Variants in PCDH15 observed in about 807,000 individuals in gnomAD.
PCDH15 encodes the protein protocadherin related 15.
PCDH15 carries 129 observed loss-of-function variants against 178.5 expected under a neutral mutation model. The ratio of observed to expected loss-of-function variants is 0.72; its 90% CI spans 0.63 to 0.84. The LOEUF (loss-of-function observed/expected upper bound fraction) is 0.84. Ranked by LOEUF, PCDH15 falls within the 40% of genes least tolerant of loss-of-function variation. The pLI is 0.00. For synonymous variants in PCDH15, 800 were observed against 732.0 expected (o/e 1.09, Z -1.50); for missense variants, 2,230 against 2,099.9 (o/e 1.06, Z -1.21).
chr10:55,388,176 C>A (rs1252815306), intron 2 of PCDH15, among the ~76,000 whole-genome samples: 1 of 152,030 alleles, frequency 6.6e-6, no homozygotes, highest in Non-Finnish European at 1.5e-5. Context: ...CTCTTGGAAA[C>A]ACCGCTTCAC....
intron 21 of PCDH15, among the ~76,000 whole-genome samples, chr10:53,979,278 A>T (rs1410972679): frequency 6.6e-6 from 1 of 152,192 alleles, no homozygotes; most frequent in Non-Finnish European, 1.5e-5. Context: ...GTGACAGCAA[A>T]GAGAAGTGCA....
At chr10:54,432,380 C>T (rs756533574) in intron 3 of PCDH15, among the ~76,000 whole-genome samples, 2 of 151,988 alleles carry the variant, frequency 1.3e-5, no homozygotes, top group African/African-American at 2.4e-5. Flanking sequence ...TACAAACAGA[C>T]ACATGGACTA....
chr10:54,975,577 G>T (rs992611044), intron 2 of PCDH15, among the ~76,000 whole-genome samples: 2 of 152,042 alleles, frequency 1.3e-5, no homozygotes, highest in African/African-American at 4.8e-5. Context: ...GAGAAGTGGT[G>T]GTGGCAGAGA....
intron 2 of PCDH15, among the ~76,000 whole-genome samples, chr10:55,026,249 T>C (rs953322311): frequency 1.3e-5 from 2 of 151,646 alleles, no homozygotes; most frequent in African/African-American, 2.4e-5. Context: ...TTAACATAGA[T>C]AATAATTATT....
rs530308702 is a variant in PCDH15, at chr10:54,460,179, T to A, written c.157+67633A>T. On this transcript the variant is annotated intron_variant, in intron 3 of 37. Coordinates refer to ENST00000644397, the MANE Select transcript of PCDH15 (RefSeq NM_001384140.1). ...AGATATTCATAATTTCATACTGAACTCTTTAGGAATTGTGATTTCTTAACT... is the reference window on the plus strand; with the variant it reads ...AGATATTCATAATTTCATACTGAACACTTTAGGAATTGTGATTTCTTAACT... Among the ~76,000 whole-genome samples the A allele has an allele frequency of 2.6e-5, 4 of 152,234 alleles. No individual in the cohort carries two copies. The East Asian group carries it at 7.7e-4, about 29-fold the overall frequency.
At chr10:54,183,194 C>G (rs1487027756) in intron 13 of PCDH15, among the ~76,000 whole-genome samples, 1 of 152,168 alleles carries the variant, frequency 6.6e-6, no homozygotes, top group African/African-American at 2.4e-5. Context: ...TGGTCTCGAA[C>G]TCCCGACCTC....
chr10:54,896,459 A>C (rs1954546799), intron 3 of PCDH15, among the ~76,000 whole-genome samples: 1 of 151,978 alleles, frequency 6.6e-6, no homozygotes, highest in Non-Finnish European at 1.5e-5. Flanking sequence ...AGGAACTACA[A>C]TGCTTCTTTC....
At chr10:54,016,951 C>G (rs996011000) in intron 20 of PCDH15, among the ~76,000 whole-genome samples, 1 of 152,112 alleles carries the variant, frequency 6.6e-6, no homozygotes, top group Admixed American at 6.5e-5. Context: ...CCGACCATTC[C>G]CTAAACCTTT....
chr10:53,912,440 C>G (rs910484020), intron 25 of PCDH15, among the ~76,000 whole-genome samples: 15 of 152,076 alleles, frequency 9.9e-5, no homozygotes, highest in African/African-American at 3.6e-4. Flanking sequence ...GAAGTTCTGG[C>G]CAGGGCAATC....
chr10:55,080,481 C>T (rs1183090194), intron 2 of PCDH15, among the ~76,000 whole-genome samples: 1 of 152,158 alleles, frequency 6.6e-6, no homozygotes, highest in Non-Finnish European at 1.5e-5. Flanking sequence ...TACCACTGCA[C>T]TGGAGTACAG....
intron 3 of PCDH15, among the ~76,000 whole-genome samples, chr10:54,515,868 C>G (rs1022190031): frequency 6.6e-6 from 1 of 152,322 alleles, no homozygotes; most frequent in East Asian, 1.9e-4. Flanking sequence ...GCCACTGCTG[C>G]TGATACCCAG....
chr10:55,431,939 C>A (rs747583155), intron 2 of PCDH15, among the ~76,000 whole-genome samples: 3 of 152,096 alleles, frequency 2.0e-5, no homozygotes, highest in Non-Finnish European at 4.4e-5. Flanking sequence ...TTGCTCCCAA[C>A]AAACGCTTAT....
chr10:54,573,081 TCTC>T (rs2090030731), intron 2 of PCDH15, among the ~76,000 whole-genome samples: 1 of 152,128 alleles, frequency 6.6e-6, no homozygotes, highest in South Asian at 2.1e-4. Flanking sequence ...GTGCCTTGCT[TCTC>T]CTTTATATGT....
chr10:55,495,670 A>T (rs1434281332), intron 2 of PCDH15, among the ~76,000 whole-genome samples: 2 of 151,858 alleles, frequency 1.3e-5, no homozygotes, highest in Non-Finnish European at 2.9e-5. Flanking sequence ...AGGTTCTTTA[A>T]GAAACAAATT....
intron 2 of PCDH15, among the ~76,000 whole-genome samples, chr10:55,381,761 G>T (rs993169166): frequency 6.6e-6 from 1 of 152,048 alleles, no homozygotes; most frequent in Non-Finnish European, 1.5e-5. Context: ...AAGCCAAAAA[G>T]AATTTTAAAA....
chr10:54,481,598 A>T (rs1056922327), intron 3 of PCDH15, among the ~76,000 whole-genome samples: 2 of 151,746 alleles, frequency 1.3e-5, no homozygotes, highest in Admixed American at 1.3e-4. Flanking sequence ...TCTAGAGGCT[A>T]CTCTAATAGC....
chr10:54,551,149 T>A (rs1288737166), intron 2 of PCDH15, among the ~76,000 whole-genome samples: 1 of 82,200 alleles, frequency 1.2e-5, no homozygotes, highest in Non-Finnish European at 2.3e-5. Flanking sequence ...GCTGAGACTC[T>A]GTCTCAAAAA....
Position 54,118,377 on chromosome 10 carries a change from C to T in PCDH15, c.1917+14498G>A, listed in dbSNP as rs562032382. On this transcript the variant is annotated intron_variant, in intron 15 of 37. Coordinates refer to ENST00000644397, the MANE Select transcript of PCDH15 (RefSeq NM_001384140.1). ...TTTTCATCATATAAAAAAAAGTAAC[C>T]CGGCTGGGTGTGGTGGCTCACGCCT... is the stretch of plus-strand genomic sequence containing the variant. Among the ~76,000 whole-genome samples, 11 of 152,168 alleles carry T rather than the reference C, an allele frequency of 7.2e-5. 1 individual carries two copies. In the South Asian group the frequency reaches 1.7e-3, roughly 23 times the overall value.
At chr10:55,514,403 A>C (rs1156543384) in intron 2 of PCDH15, among the ~76,000 whole-genome samples, 1 of 152,146 alleles carries the variant, frequency 6.6e-6, no homozygotes, top group Non-Finnish European at 1.5e-5. Context: ...GTTCTCCGAA[A>C]GTTTGCTGAA....
Sources: gnomAD v4.1 joint callset for allele counts (sites outside exome capture counted in the v4.1 genomes callset) on GRCh38, gnomAD v4.1.1 for gene constraint, MANE v1.5 for transcripts, NCBI Gene and HGNC (gene_info 2026-07-23, HGNC 2026-07-21) for gene names.